The following NCOA4 variants were observed in gnomAD, a reference collection of about 807,000 sequenced individuals.
NCOA4 encodes the protein 70 kDa AR-activator.
Under a neutral mutation model 69.5 loss-of-function variants are expected in NCOA4, and 31 were observed. That is an observed-to-expected ratio of 0.45 (90% CI 0.34 to 0.60). The LOEUF (loss-of-function observed/expected upper bound fraction) is 0.60. Among genes scored for constraint, NCOA4 ranks in the 20% least tolerant of loss-of-function variants. The probability of loss-of-function intolerance (pLI) is 0.02; values close to 1 mark genes in which losing one functional copy is unlikely to be tolerated. For synonymous variants in NCOA4, 228 were observed against 252.4 expected, an observed-to-expected ratio of 0.90 and a Z score of 0.92; for missense variants, 600 against 719.2, an observed-to-expected ratio of 0.83 and a Z score of 1.90.
At position 46,012,070 on chromosome 10, in the gene NCOA4, G is replaced by GAAAAAAAAAAAAAAAAAAAAAAAA. The variant is rs71026286; in HGVS notation, c.714+789_714+812dup. The stretch of plus-strand genomic sequence containing the variant: ...AGCAAGACTCGGTCTCAAAAAGAAA[G>GAAAAAAAAAAAAAAAAAAAAAAAA]AAAAAAAAAAAAAAAAAAAAAAAAA... On this transcript the variant is annotated intron_variant, in intron 7 of 9. Transcript: ENST00000581486. Among the ~76,000 whole-genome samples, 19 of 44,534 alleles carry GAAAAAAAAAAAAAAAAAAAAAAAA rather than the reference G, an allele frequency of 4.3e-4. 3 individuals carry two copies. The highest frequency in any genetic ancestry group is 6.6e-4 in the Non-Finnish European group (16 of 24,398). 29.2% of individuals were successfully genotyped at this position (44,534 alleles called of 152,430 possible).
chr10:46,026,862 A>G (rs549633543), intron 1 of NCOA4, among the ~76,000 whole-genome samples: 2 of 152,304 alleles, frequency 1.3e-5, no homozygotes, highest in South Asian at 4.1e-4. Flanking sequence ...ATGCTGCATA[A>G]GAGGAATATT....
intron 1 of NCOA4, among the ~76,000 whole-genome samples, chr10:46,019,072 A>T (rs1839722895): frequency 6.6e-6 from 1 of 152,194 alleles, no homozygotes. Flanking sequence ...CAAGAAACTG[A>T]ACAATTCAGG....
At chr10:46,019,285 G>A (rs931265223) in intron 1 of NCOA4, 132 of 967,300 alleles carry the variant, frequency 1.4e-4, no homozygotes, top group Non-Finnish European at 1.6e-4. Flanking sequence ...AAGCATTAGT[G>A]TGCACTTGGA....
chr10:46,010,529 T>C lies in NCOA4; in HGVS notation c.1392A>G (p.Arg464=). 5.0e-6 allele frequency: 8 copies of C among 1,614,192 alleles called. No homozygotes were observed. The highest frequency in any genetic ancestry group is 5.1e-6 in the Non-Finnish European group (6 of 1,180,022). The change falls in exon 8 of 10, where the codon AGA becomes AGG. Residue 464 remains arginine, a synonymous_variant. Coordinates refer to ENST00000581486, the MANE Select transcript of NCOA4 (RefSeq NM_001145263.2). The part of the protein sequence containing the change: ...KDSLNMWLCP[R]KEVIEQTKAP... ...CTTTAGTTTGTTCTATTACTTCTTT[T>C]CTAGGACAGAGCCACATATTCAGGG...
intron 1 of NCOA4, among the ~76,000 whole-genome samples, chr10:46,017,166 A>C (rs1182295784): frequency 2.6e-5 from 4 of 152,232 alleles, no homozygotes; most frequent in African/African-American, 9.6e-5. Flanking sequence ...TAGAAGACGG[A>C]ATTTTTAATT....
At chr10:46,027,279 A>AG (rs1331159440) in intron 1 of NCOA4, among the ~76,000 whole-genome samples, 3 of 151,892 alleles carry the variant, frequency 2.0e-5, no homozygotes, top group Non-Finnish European at 4.4e-5. Flanking sequence ...AAAAAAAAAA[A>AG]AAAAAAAAAG....
chr10:46,023,137 T>G (rs755372117), intron 1 of NCOA4, among the ~76,000 whole-genome samples: 1 of 152,156 alleles, frequency 6.6e-6, no homozygotes, highest in Non-Finnish European at 1.5e-5. Context: ...AAAGCAACAG[T>G]GACTCATGCG....
intron 7 of NCOA4, among the ~76,000 whole-genome samples, chr10:46,012,086 A>AAAAAAAAAAAAAAAAAAAAAAC: frequency 7.2e-6 from 1 of 138,360 alleles, no homozygotes; most frequent in African/African-American, 3.1e-5. Flanking sequence ...AAAAAAAAAA[A>AAAAAAAAAAAAAAAAAAAAAAC]AAAAAAAAAA....
intron 9 of NCOA4, among the ~76,000 whole-genome samples, chr10:46,007,310 G>C (rs1838888326): frequency 6.6e-6 from 1 of 152,202 alleles, no homozygotes; most frequent in African/African-American, 2.4e-5. Context: ...GGAACCAGAA[G>C]TCATGTTTGA....
chr10:46,022,262 C>G (rs1426691193), intron 1 of NCOA4: 2 of 352,078 alleles, frequency 5.7e-6, no homozygotes, highest in Non-Finnish European at 1.2e-5. Flanking sequence ...CATCTATCCA[C>G]AGGATACCTA....
Position 46,010,827 on chromosome 10 carries a change from T to C in NCOA4, c.1094A>G (p.Asn365Ser). Residue 365 changes from asparagine (N) to serine (S), a missense_variant, in exon 8 of 10, where the codon AAT (asparagine) becomes AGT (serine). Asn to Ser is a conservative substitution (Grantham distance 46). Transcript: ENST00000581486. ...PKGVEIENLG[N>S]LKCLNDHLEA... ...CAAGTGGTCATTCAGGCACTTCAGA[T>C]TGCCCAGGTTTTCAATCTCCACACC... is the stretch of plus-strand genomic sequence containing the variant. 3.1e-6 allele frequency: 5 copies of C among 1,613,998 alleles called. No homozygotes were observed. The highest frequency in any genetic ancestry group is 4.2e-6 in the Non-Finnish European group (5 of 1,179,876).
rs1838762590 is a variant in NCOA4, at chr10:46,005,553, G to A, written c.*1039C>T. On this transcript the variant is annotated 3_prime_UTR_variant, in exon 10 of 10. Coordinates refer to ENST00000581486, the MANE Select transcript of NCOA4 (RefSeq NM_001145263.2). ...TTTAAAGCATGGACGTAACTTTAAGGAGACTGAGAAAACATCAGTAGTTTT... is the reference window on the plus strand; with the variant it reads ...TTTAAAGCATGGACGTAACTTTAAGAAGACTGAGAAAACATCAGTAGTTTT... The A allele has an allele frequency of 9.0e-6, 2 of 221,052 alleles. No individual in the cohort carries two copies. Among genetic ancestry groups the A allele is most frequent in the African/African-American group, 2.2e-5 (1 of 44,622 alleles). The allele number at this position is 221,052 out of a possible 1,614,324, so 13.7% of individuals were successfully genotyped here.
intron 9 of NCOA4, among the ~76,000 whole-genome samples, chr10:46,007,469 C>G (rs1239094425): frequency 6.6e-6 from 1 of 151,776 alleles, no homozygotes; most frequent in Non-Finnish European, 1.5e-5. Context: ...GACAAAACAA[C>G]TTCCTATTGG....
At position 46,011,058 on chromosome 10, in the gene NCOA4, A is replaced by G. The variant is rs374341008; in HGVS notation, c.863T>C (p.Val288Ala). 1.2e-5 allele frequency: 19 copies of G among 1,613,922 alleles called. No homozygotes were observed. The highest frequency in any genetic ancestry group is 2.7e-5 in the African/African-American group (2 of 75,020). Residue 288 changes from valine (V) to alanine (A), a missense_variant, in exon 8 of 10, where the codon GTT (valine) becomes GCT (alanine). Physicochemically the swap from Val to Ala is moderately conservative, Grantham distance 64. Transcript: ENST00000581486. ...TSSFSIEMEKVGDQELPDQDE... is the reference protein window; with the variant it reads ...TSSFSIEMEKAGDQELPDQDE... ...TTGATCAGGAAGCTCTTGATCTCCA[A>G]CCTTTTCCATTTCAATGGAGAAAGA...
At chr10:46,022,042 T>C (rs1408434991) in intron 1 of NCOA4, among the ~76,000 whole-genome samples, 4 of 152,118 alleles carry the variant, frequency 2.6e-5, no homozygotes, top group Non-Finnish European at 5.9e-5. Context: ...CAAATACCAA[T>C]GCAAATAGTT....
intron 1 of NCOA4, among the ~76,000 whole-genome samples, chr10:46,018,164 C>T (rs1212019026): frequency 3.3e-5 from 5 of 152,156 alleles, no homozygotes; most frequent in African/African-American, 1.2e-4. Context: ...AGAGGCACAT[C>T]CCTGTTTTTC....
At chr10:46,019,929 G>A (rs1839778703) in intron 1 of NCOA4, among the ~76,000 whole-genome samples, 1 of 152,066 alleles carries the variant, frequency 6.6e-6, no homozygotes, top group South Asian at 2.1e-4. Context: ...GCTGCCTTTG[G>A]CTCTCTCTGT....
Position 46,014,338 on chromosome 10 carries a change from C to G in NCOA4, c.480+106G>C, listed in dbSNP as rs1047564306. On this transcript the variant is annotated intron_variant, in intron 5 of 9. Coordinates refer to ENST00000581486, the MANE Select transcript of NCOA4 (RefSeq NM_001145263.2). Reference sequence around the variant, plus strand: ...AGCTGAGAACATGAAATTTTTGAAGCTAATCAAATTCTCAAGAAAGTCACT... The same window carrying G: ...AGCTGAGAACATGAAATTTTTGAAGGTAATCAAATTCTCAAGAAAGTCACT... 3 of 809,584 alleles carry G rather than the reference C, an allele frequency of 3.7e-6. No individual in the cohort carries two copies. The African/African-American group carries it at 5.2e-5, about 14-fold the overall frequency. The allele number at this position is 809,584 out of a possible 1,614,324, so 50.2% of individuals were successfully genotyped here.
intron 1 of NCOA4, among the ~76,000 whole-genome samples, chr10:46,021,697 C>G (rs1265799784): frequency 2.0e-5 from 3 of 152,170 alleles, no homozygotes; most frequent in African/African-American, 7.2e-5. Context: ...CGGTGACTCA[C>G]GCCTGTAATC....
Sources: allele counts gnomAD v4.1 joint callset (sites outside exome capture counted in the v4.1 genomes callset), GRCh38; gene constraint gnomAD v4.1.1; transcripts MANE v1.5; gene names NCBI Gene and HGNC (gene_info 2026-07-23, HGNC 2026-07-21).